IKBKB-DT: variants seen among roughly 807,000 people sequenced by gnomAD.
IKBKB-DT encodes IKBKB antisense RNA.
intron 3 of IKBKB-DT, among the ~76,000 whole-genome samples, chr8:42,259,341 A>C (rs1807250493): frequency 6.6e-6 from 1 of 152,104 alleles, no homozygotes; most frequent in African/African-American, 2.4e-5. Context: ...ACAGTTTTTC[A>C]ATGTGGCATG....
At chr8:42,243,932 G>T (rs535513723) in intron 3 of IKBKB-DT, among the ~76,000 whole-genome samples, 1 of 152,288 alleles carries the variant, frequency 6.6e-6, no homozygotes, top group East Asian at 1.9e-4. Flanking sequence ...GAACTCAGAT[G>T]ATGTAGGATC....
chr8:42,248,546 A>C (rs916867145), intron 3 of IKBKB-DT, among the ~76,000 whole-genome samples: 1 of 152,168 alleles, frequency 6.6e-6, no homozygotes, highest in East Asian at 1.9e-4. Context: ...CATTTTCCAT[A>C]ATGCAATTTG....
exon 1 of IKBKB-DT, chr8:42,271,096 G>A (rs1219929953): frequency 2.3e-6 from 1 of 426,668 alleles, no homozygotes; most frequent in Non-Finnish European, 4.3e-6. Flanking sequence ...GGGTGTAACG[G>A]GGGTCATTTC....
intron 3 of IKBKB-DT, among the ~76,000 whole-genome samples, chr8:42,262,982 C>T (rs1249012741): frequency 1.3e-5 from 2 of 151,542 alleles, no homozygotes; most frequent in Non-Finnish European, 2.9e-5. Flanking sequence ...CTCAAGTGAT[C>T]CACCAGCCTT....
chr8:42,267,415 T>C (rs1807391156), intron 1 of IKBKB-DT, among the ~76,000 whole-genome samples: 1 of 152,186 alleles, frequency 6.6e-6, no homozygotes, highest in Admixed American at 6.6e-5. Context: ...ATAACGGTAC[T>C]GTACTGTGGT....
chr8:42,268,598 G>T (rs1175777404), intron 1 of IKBKB-DT, among the ~76,000 whole-genome samples: 2 of 145,522 alleles, frequency 1.4e-5, no homozygotes, highest in African/African-American at 5.1e-5. Flanking sequence ...ATGGAGTCTC[G>T]CTCTGTCGCC....
intron 2 of IKBKB-DT, chr8:42,265,480 G>C (rs1490835704): frequency 6.6e-6 from 1 of 152,364 alleles, no homozygotes; most frequent in African/African-American, 2.4e-5. Context: ...AGGTAGGAGG[G>C]CCAGGCACCA....
chr8:42,262,763 G>A (rs931821227), intron 3 of IKBKB-DT, among the ~76,000 whole-genome samples: 1 of 149,398 alleles, frequency 6.7e-6, no homozygotes, highest in Non-Finnish European at 1.5e-5. Flanking sequence ...TTTGAGACAG[G>A]GTCTCATGCT....
intron 3 of IKBKB-DT, among the ~76,000 whole-genome samples, chr8:42,245,477 T>A (rs1389616197): frequency 6.6e-6 from 1 of 152,146 alleles, no homozygotes; most frequent in East Asian, 1.9e-4. Context: ...TGCCAGCAGC[T>A]CCCAGGGAGC....
At chr8:42,267,583 G>A (rs1563279879) in intron 1 of IKBKB-DT, among the ~76,000 whole-genome samples, 1 of 152,098 alleles carries the variant, frequency 6.6e-6, no homozygotes, top group African/African-American at 2.4e-5. Flanking sequence ...GGTCAGTAAT[G>A]CCCTGGGCTG....
At chr8:42,268,885 A>T (rs1807419728) in intron 1 of IKBKB-DT, among the ~76,000 whole-genome samples, 2 of 152,196 alleles carry the variant, frequency 1.3e-5, no homozygotes, top group African/African-American at 4.8e-5. Flanking sequence ...TTTTATTTAA[A>T]AAATTTACTT....
At chr8:42,235,711 T>G (rs1806911285) in intron 3 of IKBKB-DT, among the ~76,000 whole-genome samples, 1 of 152,156 alleles carries the variant, frequency 6.6e-6, no homozygotes, top group South Asian at 2.1e-4. Context: ...CTGGGGAGAT[T>G]GATTTGAGTA....
At chr8:42,233,783 A>G (rs10085974) in exon 4 of IKBKB-DT, 36,364 of 152,034 alleles carry the variant, frequency 0.24, 5,710 homozygotes, top group African/African-American at 0.44. Context: ...AGTGAGCTAG[A>G]AGAGCTGATT....
intron 3 of IKBKB-DT, among the ~76,000 whole-genome samples, chr8:42,240,941 C>T (rs1806993944): frequency 6.6e-6 from 1 of 152,036 alleles, no homozygotes; most frequent in South Asian, 2.1e-4. Flanking sequence ...CGCCATTGCA[C>T]TCCAGCCTGG....
intron 3 of IKBKB-DT, among the ~76,000 whole-genome samples, chr8:42,256,917 A>G (rs957102055): frequency 1.3e-5 from 2 of 152,218 alleles, no homozygotes; most frequent in Admixed American, 6.6e-5. Context: ...TTAGGAATGC[A>G]TCAAAATAAA....
chr8:42,260,646 G>A (rs1807272739), intron 3 of IKBKB-DT, among the ~76,000 whole-genome samples: 2 of 140,404 alleles, frequency 1.4e-5, no homozygotes, highest in Non-Finnish European at 3.0e-5. Context: ...TCCAGCCTGG[G>A]TGACAGAGCA....
intron 3 of IKBKB-DT, among the ~76,000 whole-genome samples, chr8:42,236,092 T>C (rs959993818): frequency 2.6e-5 from 4 of 151,884 alleles, no homozygotes; most frequent in Non-Finnish European, 4.4e-5. Flanking sequence ...CAAGGACATG[T>C]CATGGAACAT....
intron 3 of IKBKB-DT, among the ~76,000 whole-genome samples, chr8:42,234,058 T>C (rs1806887992): frequency 6.6e-6 from 1 of 152,212 alleles, no homozygotes; most frequent in Admixed American, 6.5e-5. Context: ...GGCAATGTAG[T>C]TCCCAGGCAA....
chr8:42,251,828 C>CAAAAAAAAAAAAAAAAAAAAAAAAAAA (rs59420104), intron 3 of IKBKB-DT, among the ~76,000 whole-genome samples: 15 of 91,452 alleles, frequency 1.6e-4, no homozygotes, highest in African/African-American at 4.7e-4. Flanking sequence ...GACTCCATCT[C>CAAAAAAAAAAAAAAAAAAAAAAAAAAA]AAAAAAAAAA....
Sources: allele counts gnomAD v4.1 joint callset (sites outside exome capture counted in the v4.1 genomes callset), GRCh38; gene constraint gnomAD v4.1.1; transcripts MANE v1.5; gene names NCBI Gene and HGNC (gene_info 2026-07-23, HGNC 2026-07-21).